Variants in PDE7B observed in about 807,000 individuals in gnomAD.
PDE7B encodes the protein phosphodiesterase 7B, also known as 3',5'-cyclic-AMP phosphodiesterase 7B.
Under a neutral mutation model 56.2 loss-of-function variants are expected in PDE7B, and 29 were observed. The ratio of observed to expected loss-of-function variants is 0.52; its 90% confidence interval spans 0.38 to 0.70. The LOEUF is 0.70. PDE7B is among the 30% of genes least tolerant of loss of function. The probability of loss-of-function intolerance (pLI) is 0.00; values close to 1 mark genes in which losing one functional copy is unlikely to be tolerated. For synonymous variants in PDE7B, 197 were observed against 196.9 expected (o/e 1.00, Z 0.00); for missense variants, 490 against 565.0 (o/e 0.87, Z 1.35).
At chr6:136,140,396 A>T (rs1338815261) in intron 3 of PDE7B, among the ~76,000 whole-genome samples, 1 of 152,162 alleles carries the variant, frequency 6.6e-6, no homozygotes, top group African/African-American at 2.4e-5. Flanking sequence ...GTTTGAAGTC[A>T]GGTAGCATGA....
intron 1 of PDE7B, among the ~76,000 whole-genome samples, chr6:135,880,379 A>C (rs1314259699): frequency 6.6e-6 from 1 of 152,210 alleles, no homozygotes; most frequent in East Asian, 1.9e-4. Context: ...TGAAATACCG[A>C]CTACAAGCCA....
chr6:136,117,393 A>G (rs1043172054), intron 3 of PDE7B, among the ~76,000 whole-genome samples: 25 of 152,308 alleles, frequency 1.6e-4, no homozygotes, highest in African/African-American at 6.0e-4. Flanking sequence ...CAGAATATCT[A>G]AGGGATTCAC....
intron 8 of PDE7B, chr6:136,156,155 T>G (rs1778598728): frequency 3.3e-6 from 1 of 306,342 alleles, no homozygotes; most frequent in African/African-American, 2.9e-5. Flanking sequence ...GAAGAGAGAA[T>G]GATCCAAGTG....
chr6:135,935,685 G>T (rs1774408677), intron 1 of PDE7B, among the ~76,000 whole-genome samples: 1 of 152,182 alleles, frequency 6.6e-6, no homozygotes, highest in African/African-American at 2.4e-5. Flanking sequence ...AAAGTCTGTT[G>T]TGGAGTTTAG....
At chr6:135,855,577 G>C (rs1224693887) in intron 1 of PDE7B, among the ~76,000 whole-genome samples, 1 of 152,172 alleles carries the variant, frequency 6.6e-6, no homozygotes, top group Non-Finnish European at 1.5e-5. Flanking sequence ...TCATGTATTT[G>C]CAATGGTGTT....
intron 2 of PDE7B, among the ~76,000 whole-genome samples, chr6:135,960,711 CAGAT>C (rs971539524): frequency 1.4e-4 from 22 of 152,248 alleles, no homozygotes; most frequent in African/African-American, 5.1e-4. Context: ...TGGATGAAAA[CAGAT>C]AGTTTCCCTC....
At chr6:136,114,025 G>C (rs1167289101) in intron 3 of PDE7B, among the ~76,000 whole-genome samples, 2 of 152,198 alleles carry the variant, frequency 1.3e-5, no homozygotes, top group Non-Finnish European at 2.9e-5. Flanking sequence ...GCTTCAGCCT[G>C]AGGTTTTAGG....
At chr6:135,964,593 A>G (rs1774961187) in intron 2 of PDE7B, among the ~76,000 whole-genome samples, 1 of 152,210 alleles carries the variant, frequency 6.6e-6, no homozygotes, top group Non-Finnish European at 1.5e-5. Context: ...TGATTTGTAT[A>G]ATATTTTGCT....
intron 8 of PDE7B, chr6:136,156,162 A>AGAGTGTGTGTGTGTGT (rs1554283552): frequency 4.0e-6 from 1 of 248,158 alleles, no homozygotes; most frequent in Admixed American, 5.0e-5. Context: ...GAATGATCCA[A>AGAGTGTGTGTGTGTGT]GTGTGTGTGT....
intron 9 of PDE7B, among the ~76,000 whole-genome samples, chr6:136,176,913 A>G (rs1384343502): frequency 6.6e-6 from 1 of 152,124 alleles, no homozygotes; most frequent in Non-Finnish European, 1.5e-5. Flanking sequence ...CTGCTATACT[A>G]AGAATATTTA....
At chr6:135,868,393 A>G (rs1387219089) in intron 1 of PDE7B, among the ~76,000 whole-genome samples, 2 of 152,024 alleles carry the variant, frequency 1.3e-5, no homozygotes, top group African/African-American at 2.4e-5. Flanking sequence ...CCTGTGTTTT[A>G]TCAGGATGAT....
intron 2 of PDE7B, chr6:136,034,518 G>A (rs185481940): frequency 1.8e-4 from 28 of 152,280 alleles, no homozygotes; most frequent in Admixed American, 1.6e-3. Context: ...GGGCTCAGTG[G>A]GCCCACTGGT....
At chr6:135,878,563 C>G (rs1583730375) in intron 1 of PDE7B, among the ~76,000 whole-genome samples, 1 of 152,088 alleles carries the variant, frequency 6.6e-6, no homozygotes, top group African/African-American at 2.4e-5. Context: ...ATTATTTTAC[C>G]TATTCTTTCA....
At chr6:136,185,844 A>C (rs1317176447) in intron 11 of PDE7B, among the ~76,000 whole-genome samples, 1 of 152,092 alleles carries the variant, frequency 6.6e-6, no homozygotes, top group Non-Finnish European at 1.5e-5. Context: ...TCACTATATA[A>C]ATGTTGTGTT....
chr6:136,139,220 T>C (rs1246364713), intron 3 of PDE7B, among the ~76,000 whole-genome samples: 1 of 152,174 alleles, frequency 6.6e-6, no homozygotes, highest in Non-Finnish European at 1.5e-5. Flanking sequence ...ACATGCAGTG[T>C]TTGGTCTTTT....
chr6:135,939,707 T>TG (rs1317267066), intron 1 of PDE7B, among the ~76,000 whole-genome samples: 1 of 152,168 alleles, frequency 6.6e-6, no homozygotes, highest in Non-Finnish European at 1.5e-5. Flanking sequence ...TTCTCAACAC[T>TG]GGGTGCTAAT....
intron 1 of PDE7B, among the ~76,000 whole-genome samples, chr6:135,857,985 A>G (rs1775068515): frequency 6.6e-6 from 1 of 152,170 alleles, no homozygotes; most frequent in Non-Finnish European, 1.5e-5. Context: ...TATATACTTT[A>G]GAATTGTTCA....
At chr6:136,072,054 G>C (rs1391293335) in intron 2 of PDE7B, among the ~76,000 whole-genome samples, 1 of 152,112 alleles carries the variant, frequency 6.6e-6, no homozygotes, top group African/African-American at 2.4e-5. Context: ...ATATATTTTA[G>C]CTTCTTCCCT....
At chr6:136,073,908 A>G (rs966245044) in intron 2 of PDE7B, among the ~76,000 whole-genome samples, 1 of 152,244 alleles carries the variant, frequency 6.6e-6, no homozygotes, top group African/African-American at 2.4e-5. Flanking sequence ...AATTTCACCA[A>G]AAGTCCCATA....
Sources: allele counts gnomAD v4.1 joint callset (sites outside exome capture counted in the v4.1 genomes callset), GRCh38; gene constraint gnomAD v4.1.1; transcripts MANE v1.5; gene names NCBI Gene and HGNC (gene_info 2026-07-23, HGNC 2026-07-21).